Variants in KMT2C observed in about 807,000 individuals in gnomAD.
KMT2C encodes the protein lysine methyltransferase 2C.
Under a neutral mutation model 507.9 loss-of-function variants are expected in KMT2C, and 88 were observed. That is an observed-to-expected ratio of 0.17 (90% confidence interval 0.15 to 0.21). KMT2C has a LOEUF of 0.21. KMT2C is among the 10% of genes least tolerant of loss of function. The probability of loss-of-function intolerance (pLI) is 1.00; values close to 1 mark genes in which losing one functional copy is unlikely to be tolerated. For synonymous variants in KMT2C, 2,049 were observed against 2,080.8 expected, an observed-to-expected ratio of 0.98 and a Z score of 0.42; for missense variants, 4,954 against 5,957.8, an observed-to-expected ratio of 0.83 and a Z score of 5.55.
intron 7 of KMT2C, among the ~76,000 whole-genome samples, chr7:152,270,135 G>A (rs1168506240): frequency 6.6e-6 from 1 of 152,270 alleles, no homozygotes. Context: ...AGGACACTGT[G>A]CTGAGTGATT....
intron 2 of KMT2C, among the ~76,000 whole-genome samples, chr7:152,332,495 C>T (rs1438879004): frequency 3.3e-5 from 5 of 152,168 alleles, no homozygotes; most frequent in Admixed American, 3.3e-4. Flanking sequence ...CATGACTGAA[C>T]TCTACTACCT....
intron 13 of KMT2C, 35 bp downstream of exon 13, chr7:152,249,841 T>C (rs2095536479): frequency 4.7e-6 from 6 of 1,286,946 alleles, no homozygotes; most frequent in Non-Finnish European, 6.8e-6. Context: ...ATCTTGTAAC[T>C]CAATCAAATT....
At chr7:152,227,796 G>A (rs1010685157) in intron 18 of KMT2C, among the ~76,000 whole-genome samples, 1 of 152,218 alleles carries the variant, frequency 6.6e-6, no homozygotes, top group African/African-American at 2.4e-5. Flanking sequence ...ACAACCAGGG[G>A]AAAGTACATC....
chr7:152,401,213 A>C (rs1360402878), intron 1 of KMT2C, among the ~76,000 whole-genome samples: 2 of 151,952 alleles, frequency 1.3e-5, no homozygotes, highest in East Asian at 3.9e-4. Context: ...CAGCCTCCCA[A>C]GTAGCCGGGA....
chr7:152,302,931 G>A (rs184914713), intron 6 of KMT2C, among the ~76,000 whole-genome samples: 7 of 152,156 alleles, frequency 4.6e-5, no homozygotes, highest in African/African-American at 1.7e-4. Flanking sequence ...GGCATGAGAC[G>A]CCGCGCCTGG....
In KMT2C at chr7:152,263,206, T is replaced by C. The variant is rs974539145; in HGVS notation, c.1185-76A>G. On this transcript the variant is annotated intron_variant, in intron 8 of 58. Transcript: ENST00000262189. ...GTAACATAAGTAATCATGAAAATAA[T>C]CAGTCCTGGGAACTGCACAGTTCAT... The C allele has an allele frequency of 3.0e-6, 4 of 1,319,620 alleles. No homozygotes were observed. In the African/African-American group the frequency reaches 4.4e-5, roughly 14 times the overall value. The allele number at this position is 1,319,620 out of a possible 1,614,324, so 81.7% of individuals were successfully genotyped here.
At chr7:152,417,628 T>A (rs2097753059) in intron 1 of KMT2C, among the ~76,000 whole-genome samples, 1 of 152,114 alleles carries the variant, frequency 6.6e-6, no homozygotes, top group Non-Finnish European at 1.5e-5. Flanking sequence ...CTATGAAGAA[T>A]CAAAAAATGC....
chr7:152,193,924 G>T, intron 31 of KMT2C, 85 bp downstream of exon 31: 2 of 1,262,562 alleles, frequency 1.6e-6, no homozygotes, highest in Non-Finnish European at 2.1e-6. Flanking sequence ...AAAGAATAGG[G>T]CAAAACTTGC....
chr7:152,293,059 C>T (rs1356171470), intron 6 of KMT2C, among the ~76,000 whole-genome samples: 2 of 152,042 alleles, frequency 1.3e-5, no homozygotes, highest in South Asian at 4.2e-4. Context: ...CTTATACTAC[C>T]GAATAGAAAG....
In KMT2C at chr7:152,177,003, G is replaced by C. The variant is rs755794537; in HGVS notation, c.8450C>G (p.Thr2817Ser). 6.2e-7 allele frequency: 1 copy of C among 1,614,000 alleles called. No homozygotes were observed. Among genetic ancestry groups the C allele is most frequent in the East Asian group, 2.2e-5 (1 of 44,878 alleles). The change falls in exon 38 of 59, where the codon ACT (threonine) becomes AGT (serine). Residue 2817 changes from threonine to serine, a missense_variant. Thr to Ser is a moderately conservative substitution (Grantham distance 58). This residue lies in a region of KMT2C where 1,689 missense variants were observed against 1,654.3 expected (regional missense o/e 1.02). Transcript: ENST00000262189. ...SDKHSPQKKS[T>S]VTNEVKTEVL... ...TTCCGTTTTTACCTCATTGGTAACA[G>C]TGGATTTTTTCTGTGGTGAATGTTT...
chr7:152,141,525 A>G (rs1408672434), intron 55 of KMT2C, among the ~76,000 whole-genome samples: 1 of 148,490 alleles, frequency 6.7e-6, no homozygotes, highest in East Asian at 2.0e-4. Context: ...CCTGGCCAAT[A>G]TGGTGAAATC....
Position 152,148,489 on chromosome 7 carries a change from T to G in KMT2C, c.13438A>C (p.Thr4480Pro), listed in dbSNP as rs753179069. The change falls in exon 52 of 59, where the codon ACC (threonine) becomes CCC (proline). Residue 4480 changes from threonine (T) to proline (P), a missense_variant. Physicochemically the swap from Thr to Pro is conservative, Grantham distance 38. Coordinates refer to ENST00000262189, the MANE Select transcript of KMT2C (RefSeq NM_170606.3). The surrounding 1 kb of genome is among the most constrained non-coding windows in gnomAD (Gnocchi z 7.1). ...ATSGCHRFRC[T>P]NIYHFTCAIK... ...GCGCAAGTGAAGTGATAAATGTTGG[T>G]GCATCGAAATCTGTGGCATCCACTA... 6.2e-7 allele frequency: 1 copy of G among 1,614,254 alleles called. No homozygotes were observed. Among genetic ancestry groups the G allele is most frequent in the African/African-American group, 1.3e-5 (1 of 75,062 alleles).
chr7:152,256,383 T>C (rs1166588275), intron 9 of KMT2C, among the ~76,000 whole-genome samples: 3 of 151,594 alleles, frequency 2.0e-5, no homozygotes, highest in South Asian at 2.1e-4. Flanking sequence ...CTGGACAACA[T>C]AGTGAGACCC....
intron 1 of KMT2C, among the ~76,000 whole-genome samples, chr7:152,426,881 A>C (rs1472136335): frequency 6.6e-6 from 1 of 152,210 alleles, no homozygotes; most frequent in Non-Finnish European, 1.5e-5. Flanking sequence ...TAGGCTCTAT[A>C]ATCAGTGATG....
chr7:152,325,308 C>T lies in KMT2C; in HGVS notation c.389+5293G>A, dbSNP rs146194961. 4.1e-3 allele frequency among the ~76,000 whole-genome samples: 620 copies of T among 151,932 alleles called. 5 individuals are homozygous for T. Among genetic ancestry groups the T allele is most frequent in the African/African-American group, 0.014 (598 of 41,480 alleles). On this transcript the variant is annotated intron_variant, in intron 3 of 58. Transcript: ENST00000262189. ...GGACTACAGGTGCCCACCACCACGCCCAGCTAATTTTTGTATTTTTAGTAG... is the reference window on the plus strand; with the variant it reads ...GGACTACAGGTGCCCACCACCACGCTCAGCTAATTTTTGTATTTTTAGTAG...
rs1357948401 is a variant in KMT2C at position 152,435,839 on chromosome 7, C to CGCCGCCGCG, written c.-62_-54dup. 16 of 1,334,700 alleles carry CGCCGCCGCG rather than the reference C, an allele frequency of 1.2e-5. No individual in the cohort carries two copies. The highest frequency in any genetic ancestry group is 3.3e-5 in the East Asian group (1 of 30,408). The allele number at this position is 1,334,700 out of a possible 1,614,324, so 82.7% of individuals were successfully genotyped here. On this transcript the variant is annotated 5_prime_UTR_variant, in exon 1 of 59. Transcript: ENST00000262189. ...CCCGGTCCTCCTCCTGGGGGGCTCC[C>CGCCGCCGCG]GCCGCCGCGGCCGCCGCCGCCGCCG...
intron 1 of KMT2C, chr7:152,368,271 G>C: frequency 2.0e-6 from 2 of 993,964 alleles, no homozygotes; most frequent in East Asian, 2.4e-5. Flanking sequence ...TCCACTATGA[G>C]AACTACAGAA....
intron 3 of KMT2C, among the ~76,000 whole-genome samples, chr7:152,320,850 A>G (rs2096766700): frequency 6.6e-6 from 1 of 152,082 alleles, no homozygotes; most frequent in Non-Finnish European, 1.5e-5. Flanking sequence ...ATAAAAGAAT[A>G]CATGATACAT....
At chr7:152,167,948 A>C (rs2092805555) in intron 41 of KMT2C, among the ~76,000 whole-genome samples, 1 of 152,212 alleles carries the variant, frequency 6.6e-6, no homozygotes, top group African/African-American at 2.4e-5. Flanking sequence ...GGAAATCCAT[A>C]AGTTGAAAAC....
Sources: allele counts gnomAD v4.1 joint callset (sites outside exome capture counted in the v4.1 genomes callset), GRCh38; gene constraint gnomAD v4.1.1; regional missense constraint gnomAD v4.1.1; non-coding constraint Gnocchi (gnomAD v3.1); transcripts MANE v1.5; gene names NCBI Gene and HGNC (gene_info 2026-07-23, HGNC 2026-07-21).